Variants in PLEKHG3 observed in about 807,000 individuals in gnomAD.
PLEKHG3 encodes the protein pleckstrin homology domain-containing family G member 3.
In PLEKHG3, 62 loss-of-function variants were observed where a neutral mutation model predicts 94.9. The ratio of observed to expected loss-of-function variants is 0.65; its 90% CI spans 0.53 to 0.81. PLEKHG3 has a LOEUF of 0.81. PLEKHG3 is among the 30% of genes least tolerant of loss of function. The pLI is 0.00. For missense variants in PLEKHG3, 1,461 were observed against 1,619.3 expected (o/e 0.90, Z 1.68); for synonymous variants, 614 against 654.0 (o/e 0.94, Z 0.93).
Position 64,737,394 on chromosome 14 carries a change from AG to A in PLEKHG3, c.1404+23del, listed in dbSNP as rs1318237680. 14 of 1,568,900 alleles carry A rather than the reference AG, an allele frequency of 8.9e-6. No homozygotes were observed. Among genetic ancestry groups the A allele is most frequent in the Non-Finnish European group, 1.2e-5 (14 of 1,155,224 alleles). ...AATGAAGGTAAAGGCCAGTGGGAGG[AG>A]GGGACTGGCTGACAGAGGAGGGTGG... On this transcript the variant is annotated intron_variant, in intron 14 of 16. Transcript: ENST00000247226.
In PLEKHG3 at chr14:64,717,529, TCC is replaced by T. The variant is rs2081190596; in HGVS notation, c.-39-10063_-39-10062del. On this transcript the variant is annotated intron_variant, in intron 1 of 16. Transcript: ENST00000247226. This position sits in a 1 kb window ranked among gnomAD's most constrained non-coding sequence, Gnocchi z 4.7. Reference sequence around the variant, plus strand: ...CAGTTGAGAGCTGCTGGCCTGAAATTCCTCTGAGAGATTTCTTCCATTTAAGA... The same window carrying T: ...CAGTTGAGAGCTGCTGGCCTGAAATTTCTGAGAGATTTCTTCCATTTAAGA... Among the ~76,000 whole-genome samples, 2 of 152,174 alleles carry T rather than the reference TCC, an allele frequency of 1.3e-5. No individual in the cohort carries two copies. Among genetic ancestry groups the T allele is most frequent in the Admixed American group, 1.3e-4 (2 of 15,284 alleles).
Position 64,727,966 on chromosome 14 carries a change from T to C in PLEKHG3, c.335T>C (p.Leu112Pro). 6.3e-7 allele frequency: 1 copy of C among 1,577,974 alleles called. No homozygotes were observed. The change falls in exon 2 of 17, where the codon CTG becomes CCG. Residue 112 changes from leucine to proline, a missense_variant. Transcript: ENST00000247226. The surrounding 1 kb of genome is among the most constrained non-coding windows in gnomAD (Gnocchi z 6.0). The stretch of plus-strand genomic sequence containing the variant: ...ACAGAGCGCATGTACGTACAGGACC[T>C]GCGCAGCATCGTGGAGGTGCGTGTC... ...VETERMYVQD[L>P]RSIVEDYLLK...
chr14:64,710,505 A>G (rs1269397999), intron 1 of PLEKHG3, among the ~76,000 whole-genome samples: 2 of 152,140 alleles, frequency 1.3e-5, no homozygotes, highest in African/African-American at 4.8e-5. Flanking sequence ...CCCCGTCTCT[A>G]TTAAAGATAA....
Position 64,743,074 on chromosome 14 carries a change from T to C in PLEKHG3, c.3031T>C (p.Ser1011Pro). ...PPKPSSAGEM[S>P]PQRFFFNPSA... ...CAAGCCCTCCTCGGCTGGGGAGATG[T>C]CACCACAGCGTTTCTTCTTCAACCC... The change falls in exon 17 of 17, where the codon TCA becomes CCA. Residue 1011 changes from serine (S) to proline (P), a missense_variant. This residue lies in a region of PLEKHG3 where 1,201 missense variants were observed against 1,295.5 expected (regional missense o/e 0.93). Transcript: ENST00000247226. The surrounding 1 kb of genome is among the most constrained non-coding windows in gnomAD (Gnocchi z 7.2). 6.2e-7 allele frequency: 1 copy of C among 1,613,198 alleles called. No individual in the cohort carries two copies. Among genetic ancestry groups the C allele is most frequent in the Non-Finnish European group, 8.5e-7 (1 of 1,179,998 alleles).
At position 64,716,496 on chromosome 14, in the gene PLEKHG3, A is replaced by AACACACACACACAC. The variant is rs58480790; in HGVS notation, c.-39-11055_-39-11042dup. On this transcript the variant is annotated intron_variant, in intron 1 of 16. Coordinates refer to ENST00000247226, the MANE Select transcript of PLEKHG3 (RefSeq NM_001308147.2). The surrounding 1 kb of genome is among the most constrained non-coding windows in gnomAD (Gnocchi z 5.0). ...ACACACACACAACACACACACACACAACACACACACACACACACACACACA... is the reference window on the plus strand; with the variant it reads ...ACACACACACAACACACACACACACAACACACACACACACACACACACACACACACACACACACA... Among the ~76,000 whole-genome samples the AACACACACACACAC allele has an allele frequency of 5.5e-3, 434 of 79,528 alleles. 20 individuals are homozygous for AACACACACACACAC. The highest frequency in any genetic ancestry group is 0.025 in the East Asian group (51 of 2,042). The allele number at this position is 79,528 out of a possible 152,430, so 52.2% of individuals were successfully genotyped here. A position where few individuals can be genotyped will look rare whatever the true frequency, so the allele number is the denominator to read the frequency against.
In PLEKHG3 at chr14:64,727,402, A is replaced by G. The variant is rs1473943180; in HGVS notation, c.-39-191A>G. Among the ~76,000 whole-genome samples, 1 of 152,236 alleles carries G rather than the reference A, an allele frequency of 6.6e-6. No homozygotes were observed. Among genetic ancestry groups the G allele is most frequent in the African/African-American group, 2.4e-5 (1 of 41,462 alleles). On this transcript the variant is annotated intron_variant, in intron 1 of 16. Coordinates refer to ENST00000247226, the MANE Select transcript of PLEKHG3 (RefSeq NM_001308147.2). The surrounding 1 kb of genome is among the most constrained non-coding windows in gnomAD (Gnocchi z 6.0). Reference sequence around the variant, plus strand: ...TTTAAGTGTACAGTTCAGTGACAGTAGGTACATTCATATCATTGTGCAATG... The same window carrying G: ...TTTAAGTGTACAGTTCAGTGACAGTGGGTACATTCATATCATTGTGCAATG...
At position 64,742,304 on chromosome 14, in the gene PLEKHG3, G is replaced by A. The variant is rs376587699; in HGVS notation, c.2787G>A (p.Leu929=). The A allele has an allele frequency of 1.6e-5, 25 of 1,612,808 alleles. 1 individual carries two copies. In the Admixed American group the frequency reaches 1.7e-4, roughly 11 times the overall value. Residue 929 remains leucine (L), a synonymous_variant, in exon 16 of 17, where the codon CTG becomes CTA. Coordinates refer to ENST00000247226, the MANE Select transcript of PLEKHG3 (RefSeq NM_001308147.2). ...GCGTCAAGAACAAGGTCTACCAGCT[G>A]GCCCGCCAGTACAGCCTCCGGATCA... ...SERVKNKVYQ[L]ARQYSLRIKS... is the part of the protein sequence containing the mutation.
In PLEKHG3 at chr14:64,721,540, G is replaced by A. The variant is rs538939181; in HGVS notation, c.-39-6053G>A. Among the ~76,000 whole-genome samples, 1 of 152,334 alleles carries A rather than the reference G, an allele frequency of 6.6e-6. No individual in the cohort carries two copies. The highest frequency in any genetic ancestry group is 1.5e-5 in the Non-Finnish European group (1 of 68,020). On this transcript the variant is annotated intron_variant, in intron 1 of 16. Transcript: ENST00000247226. The surrounding 1 kb of genome is among the most constrained non-coding windows in gnomAD (Gnocchi z 4.3). The stretch of plus-strand genomic sequence containing the variant: ...AGGTGGTGGGAAAATGCATTCCTGA[G>A]GGAAAATGAATTTGAACCAGCTGGG...
Position 64,743,758 on chromosome 14 carries a change from C to A in PLEKHG3, c.*55C>A. The A allele has an allele frequency of 6.7e-7, 1 of 1,491,806 alleles. No homozygotes were observed. Among genetic ancestry groups the A allele is most frequent in the South Asian group, 1.3e-5 (1 of 74,236 alleles). 92.4% of individuals were successfully genotyped at this position (1,491,806 alleles called of 1,614,324 possible). On this transcript the variant is annotated 3_prime_UTR_variant, in exon 17 of 17. Transcript: ENST00000247226. The surrounding 1 kb of genome is among the most constrained non-coding windows in gnomAD (Gnocchi z 7.2). ...GTTGGAGGTTGGGGAAGAACCTGGG[C>A]ATCCTTCCCCTCAAGCCTGGGCTCA...
Position 64,749,633 on chromosome 14 carries a change from G to C in PLEKHG3, c.*5930G>C, listed in dbSNP as rs751150261. On this transcript the variant is annotated 3_prime_UTR_variant, in exon 17 of 17. Transcript: ENST00000247226. The surrounding 1 kb of genome is among the most constrained non-coding windows in gnomAD (Gnocchi z 4.7). ...CCTACCCCCTTCTTAGCCAGGTCTG[G>C]GCTAGGCTGCCCGCGCTTACCTCAT... is the stretch of plus-strand genomic sequence containing the variant. 2 of 1,613,300 alleles carry C rather than the reference G, an allele frequency of 1.2e-6. No individual in the cohort carries two copies. The highest frequency in any genetic ancestry group is 1.7e-6 in the Non-Finnish European group (2 of 1,179,942).
intron 1 of PLEKHG3, among the ~76,000 whole-genome samples, chr14:64,708,014 GAT>G (rs2139355640): frequency 6.6e-6 from 1 of 152,388 alleles, no homozygotes; most frequent in Admixed American, 6.5e-5. Flanking sequence ...GGTAGCATGA[GAT>G]ATTTAATGTC....
chr14:64,721,031 C>G lies in PLEKHG3; in HGVS notation c.-39-6562C>G, dbSNP rs892112715. ...CACCGGGCTAATCCAGGATAATCTT[C>G]CATCTTAAAATCCTTGATTTGATCA... is the stretch of plus-strand genomic sequence containing the variant. On this transcript the variant is annotated intron_variant, in intron 1 of 16. Transcript: ENST00000247226. The surrounding 1 kb of genome is among the most constrained non-coding windows in gnomAD (Gnocchi z 4.3). Among the ~76,000 whole-genome samples the G allele has an allele frequency of 1.3e-5, 2 of 152,228 alleles. No homozygotes were observed. The highest frequency in any genetic ancestry group is 2.9e-5 in the Non-Finnish European group (2 of 68,046).
At position 64,732,591 on chromosome 14, in the gene PLEKHG3, T is replaced by TG. The variant is rs2081489458; in HGVS notation, c.1246+137dup. The TG allele has an allele frequency of 3.9e-6, 3 of 767,146 alleles. No individual in the cohort carries two copies. The highest frequency in any genetic ancestry group is 6.9e-6 in the Non-Finnish European group (3 of 433,806). 47.5% of individuals were successfully genotyped at this position (767,146 alleles called of 1,614,324 possible). A position where few individuals can be genotyped will look rare whatever the true frequency, so the allele number is the denominator to read the frequency against. ...AGGGCGGGGGTCTCCTGTTAAGGGC[T>TG]GGGGGGTGAACTACATGATTAAGGA... On this transcript the variant is annotated intron_variant, in intron 11 of 16. Coordinates refer to ENST00000247226, the MANE Select transcript of PLEKHG3 (RefSeq NM_001308147.2). This position sits in a 1 kb window ranked among gnomAD's most constrained non-coding sequence, Gnocchi z 4.9.
At chr14:64,712,982 T>G (rs945049841) in intron 1 of PLEKHG3, among the ~76,000 whole-genome samples, 3 of 152,212 alleles carry the variant, frequency 2.0e-5, no homozygotes, top group Admixed American at 6.5e-5. Context: ...TTCTCTTCTC[T>G]TCCTAGATTG....
At position 64,728,043 on chromosome 14, in the gene PLEKHG3, G is replaced by A. The variant is rs893605135; in HGVS notation, c.351+61G>A. 2 of 1,109,026 alleles carry A rather than the reference G, an allele frequency of 1.8e-6. No individual in the cohort carries two copies. Among genetic ancestry groups the A allele is most frequent in the Non-Finnish European group, 2.5e-6 (2 of 794,716 alleles). 68.7% of individuals were successfully genotyped at this position (1,109,026 alleles called of 1,614,324 possible). ...CAGAAGCCTGTTTCACCCTGGGAGG[G>A]AAGCTCTCAAAAGACCTGCTTCCCA... is the stretch of plus-strand genomic sequence containing the variant. On this transcript the variant is annotated intron_variant, in intron 2 of 16. Transcript: ENST00000247226. The surrounding 1 kb of genome is among the most constrained non-coding windows in gnomAD (Gnocchi z 5.9).
chr14:64,724,975 A>G (rs1406756187), intron 1 of PLEKHG3, among the ~76,000 whole-genome samples: 1 of 152,262 alleles, frequency 6.6e-6, no homozygotes, highest in African/African-American at 2.4e-5. Context: ...GCATTTCAGC[A>G]GTTGGCTGTT....
At chr14:64,708,337 G>A (rs546192013) in intron 1 of PLEKHG3, among the ~76,000 whole-genome samples, 4 of 152,276 alleles carry the variant, frequency 2.6e-5, no homozygotes, top group African/African-American at 9.6e-5. Flanking sequence ...CTCACAGCTG[G>A]GAAGGCTGTC....
In PLEKHG3 at chr14:64,738,143, C is replaced by T. The variant is rs566243157; in HGVS notation, c.1405-599C>T. ...GCCTGGCGGTGGCGGAGCAGGTAGC[C>T]GACTTTGCCAGCTCCCTGCTGGCCG... On this transcript the variant is annotated intron_variant, in intron 14 of 16. Coordinates refer to ENST00000247226, the MANE Select transcript of PLEKHG3 (RefSeq NM_001308147.2). The surrounding 1 kb of genome is among the most constrained non-coding windows in gnomAD (Gnocchi z 4.8). 1.8e-4 allele frequency: 235 copies of T among 1,297,564 alleles called. 1 individual carries two copies. The African/African-American group carries it at 2.4e-3, about 13-fold the overall frequency. The allele number at this position is 1,297,564 out of a possible 1,614,324, so 80.4% of individuals were successfully genotyped here.
rs1049764723 is a variant in PLEKHG3, at chr14:64,722,213, CCTTT to C, written c.-39-5375_-39-5372del. On this transcript the variant is annotated intron_variant, in intron 1 of 16. Transcript: ENST00000247226. The surrounding 1 kb of genome is among the most constrained non-coding windows in gnomAD (Gnocchi z 4.3). Reference sequence around the variant, plus strand: ...TTCCTGAGTGAGGACTTTCTTTCTTCCTTTCTTTTTTTGTTTTTGAGATGGAGTT... The same window carrying C: ...TTCCTGAGTGAGGACTTTCTTTCTTCCTTTTTTTGTTTTTGAGATGGAGTT... 3.9e-5 allele frequency among the ~76,000 whole-genome samples: 6 copies of C among 152,028 alleles called. No individual in the cohort carries two copies. The highest frequency in any genetic ancestry group is 1.4e-4 in the African/African-American group (6 of 41,406).
Sources: allele counts gnomAD v4.1 joint callset (sites outside exome capture counted in the v4.1 genomes callset), GRCh38; gene constraint gnomAD v4.1.1; regional missense constraint gnomAD v4.1.1; non-coding constraint Gnocchi (gnomAD v3.1); transcripts MANE v1.5; gene names NCBI Gene and HGNC (gene_info 2026-07-23, HGNC 2026-07-21).